The following MPP7 variants were observed in gnomAD, a reference collection of about 807,000 sequenced individuals.
MPP7 encodes MAGUK p55 subfamily member 7.
MPP7 carries 60 observed loss-of-function variants against 76.5 expected under a neutral mutation model. The observed-to-expected ratio is 0.78, with a 90% CI of 0.64 to 0.97. The LOEUF is 0.97. Among genes scored for constraint, MPP7 ranks in the 50% least tolerant of loss-of-function variants. The pLI, the probability that MPP7 is intolerant of heterozygous loss-of-function variation, is 0.00. For synonymous variants in MPP7, 237 were observed against 244.5 expected, an observed-to-expected ratio of 0.97 and a Z score of 0.29; for missense variants, 641 against 694.0, an observed-to-expected ratio of 0.92 and a Z score of 0.86.
chr10:28,201,165 C>T (rs183245027), intron 3 of MPP7, among the ~76,000 whole-genome samples: 13 of 152,226 alleles, frequency 8.5e-5, no homozygotes, highest in Admixed American at 2.0e-4. Flanking sequence ...TAGGGAAATG[C>T]CACATATCAA....
chr10:28,136,941 A>C (rs1309772135), intron 5 of MPP7, among the ~76,000 whole-genome samples: 2 of 152,202 alleles, frequency 1.3e-5, no homozygotes, highest in African/African-American at 2.4e-5. Flanking sequence ...CTATTTAAAG[A>C]AATATGGCAG....
intron 13 of MPP7, among the ~76,000 whole-genome samples, chr10:28,060,058 T>G (rs1851716839): frequency 6.6e-6 from 1 of 152,130 alleles, no homozygotes; most frequent in South Asian, 2.1e-4. Context: ...ACCTTTTTTT[T>G]TTTTTTGCAA....
chr10:28,128,856 G>A (rs1352410380), intron 6 of MPP7, among the ~76,000 whole-genome samples: 1 of 152,154 alleles, frequency 6.6e-6, no homozygotes, highest in Admixed American at 6.5e-5. Context: ...GCACATAGAC[G>A]CTTTTTAAAG....
rs184760845 is a variant in MPP7 at position 28,097,059 on chromosome 10, G to A, written c.953-7218C>T. On this transcript the variant is annotated intron_variant, in intron 11 of 16. Coordinates refer to ENST00000683449, the MANE Select transcript of MPP7 (RefSeq NM_001318170.2). ...GGCTGAAGTAAAGTGGTGCGATCAC[G>A]GCTCAGTGTAGCCTCAAACCCCTGG... Among the ~76,000 whole-genome samples, 7 of 151,894 alleles carry A rather than the reference G, an allele frequency of 4.6e-5. No homozygotes were observed. The East Asian group carries it at 7.8e-4, about 17-fold the overall frequency.
At chr10:28,211,798 G>A (rs1019935960) in intron 2 of MPP7, among the ~76,000 whole-genome samples, 14 of 152,042 alleles carry the variant, frequency 9.2e-5, no homozygotes, top group Admixed American at 7.9e-4. Context: ...GGAGCAGAGG[G>A]AGCAAGAAGA....
At chr10:28,251,709 C>T (rs10763654) in intron 1 of MPP7, among the ~76,000 whole-genome samples, 42,795 of 151,810 alleles carry the variant, frequency 0.28, 6,810 homozygotes, top group East Asian at 0.55. Context: ...ACAGGTATTC[C>T]GACTTCAATA....
At chr10:28,329,298 T>G (rs977980612) in intron 2 of MPP7, among the ~76,000 whole-genome samples, 1 of 152,190 alleles carries the variant, frequency 6.6e-6, no homozygotes, top group East Asian at 1.9e-4. Flanking sequence ...CTTGATATTT[T>G]CATTTTCTAT....
intron 11 of MPP7, among the ~76,000 whole-genome samples, chr10:28,112,245 A>C (rs1834527848): frequency 6.6e-6 from 1 of 152,242 alleles, no homozygotes; most frequent in South Asian, 2.1e-4. Flanking sequence ...CATGATGGAC[A>C]TCAGATGGGT....
At chr10:28,154,466 T>C (rs1219851150) in intron 3 of MPP7, among the ~76,000 whole-genome samples, 1 of 152,098 alleles carries the variant, frequency 6.6e-6, no homozygotes, top group Non-Finnish European at 1.5e-5. Context: ...GCCAGGGTGT[T>C]TGCAACATCT....
At chr10:28,212,808 A>C (rs978228907) in intron 2 of MPP7, among the ~76,000 whole-genome samples, 1 of 152,182 alleles carries the variant, frequency 6.6e-6, no homozygotes, top group Non-Finnish European at 1.5e-5. Flanking sequence ...CTGAGAACTA[A>C]GCGTTGGATT....
intron 1 of MPP7, among the ~76,000 whole-genome samples, chr10:28,261,448 C>A (rs1839946734): frequency 6.6e-6 from 1 of 152,204 alleles, no homozygotes; most frequent in South Asian, 2.1e-4. Flanking sequence ...GCGAGGCAAA[C>A]CATTGTCCCT....
intron 13 of MPP7, among the ~76,000 whole-genome samples, chr10:28,060,050 CTT>C (rs60401724): frequency 0.061 from 8,398 of 137,668 alleles, 499 homozygotes; most frequent in African/African-American, 0.16. Context: ...GGAAAAAAAC[CTT>C]TTTTTTTTTT....
intron 1 of MPP7, among the ~76,000 whole-genome samples, chr10:28,264,062 C>G (rs1049640445): frequency 6.6e-6 from 1 of 152,000 alleles, no homozygotes; most frequent in Non-Finnish European, 1.5e-5. Flanking sequence ...TTTGGGAGGC[C>G]GAGGCAGGAT....
intron 11 of MPP7, among the ~76,000 whole-genome samples, chr10:28,109,383 A>G (rs1269326525): frequency 7.9e-5 from 12 of 152,256 alleles, no homozygotes; most frequent in Admixed American, 7.8e-4. Context: ...CTAGGTAATT[A>G]GAAAAGTCCA....
chr10:28,213,825 G>A (rs1838227333), intron 2 of MPP7, among the ~76,000 whole-genome samples: 10 of 149,036 alleles, frequency 6.7e-5, no homozygotes. Context: ...GAGAGAGAGA[G>A]AGAGAAGGTT....
chr10:28,205,251 C>T (rs1056795876), intron 2 of MPP7, among the ~76,000 whole-genome samples: 1 of 152,162 alleles, frequency 6.6e-6, no homozygotes, highest in Non-Finnish European at 1.5e-5. Flanking sequence ...TAGACAACTA[C>T]TTCCACTCAA....
At chr10:28,094,028 C>G (rs974867254) in intron 11 of MPP7, among the ~76,000 whole-genome samples, 4 of 152,266 alleles carry the variant, frequency 2.6e-5, no homozygotes, top group Admixed American at 2.0e-4. Context: ...TAGGCATTTT[C>G]TAAGAGTTAA....
intron 3 of MPP7, among the ~76,000 whole-genome samples, chr10:28,187,066 T>C (rs1837261361): frequency 6.6e-6 from 1 of 152,218 alleles, no homozygotes; most frequent in South Asian, 2.1e-4. Flanking sequence ...AGACTTCCTA[T>C]TACGAAATTA....
intron 1 of MPP7, among the ~76,000 whole-genome samples, chr10:28,301,217 C>T (rs1304666984): frequency 6.6e-6 from 1 of 152,156 alleles, no homozygotes; most frequent in Admixed American, 6.5e-5. Flanking sequence ...AAGTCATGAT[C>T]AAAATGCATT....
Sources: allele counts gnomAD v4.1 joint callset (sites outside exome capture counted in the v4.1 genomes callset), GRCh38; gene constraint gnomAD v4.1.1; transcripts MANE v1.5; gene names NCBI Gene and HGNC (gene_info 2026-07-23, HGNC 2026-07-21).